The following KCNG3 variants were observed in gnomAD, a reference collection of about 807,000 sequenced individuals.
KCNG3 encodes voltage-gated potassium channel regulatory subunit KCNG3.
KCNG3 carries 15 observed loss-of-function variants against 29.0 expected under a neutral mutation model. The observed-to-expected ratio is 0.52, with a 90% CI of 0.35 to 0.80. KCNG3 has a LOEUF of 0.80. Ranked by LOEUF, KCNG3 falls within the 30% of genes least tolerant of loss-of-function variation. The pLI, the probability that KCNG3 is intolerant of heterozygous loss-of-function variation, is 0.01. For missense variants in KCNG3, 512 were observed against 605.7 expected (o/e 0.85, Z 1.62); for synonymous variants, 322 against 248.9 (o/e 1.29, Z -2.76).
the KCNG3 span, among the ~76,000 whole-genome samples, chr2:42,398,968 G>C: frequency 1.7e-4 from 26 of 151,808 alleles, no homozygotes; most frequent in Admixed American, 1.4e-3. Context: ...GCCTTGTAAG[G>C]CTCATCTTTT....
the KCNG3 span, among the ~76,000 whole-genome samples, chr2:42,421,063 C>A: frequency 6.6e-6 from 1 of 152,154 alleles, no homozygotes; most frequent in African/African-American, 2.4e-5. Flanking sequence ...GAGAGTAGAA[C>A]ACAAATCATG....
the KCNG3 span, among the ~76,000 whole-genome samples, chr2:42,421,095 T>A: frequency 1.3e-5 from 2 of 152,198 alleles, no homozygotes; most frequent in African/African-American, 4.8e-5. Flanking sequence ...TAAACTGATC[T>A]CATTTTTGAG....
chr2:42,436,609 C>T, the KCNG3 span, among the ~76,000 whole-genome samples: 1 of 152,224 alleles, frequency 6.6e-6, no homozygotes, highest in African/African-American at 2.4e-5. Context: ...ACATGCTTAA[C>T]ACTCACTTGT....
At chr2:42,479,782 G>A (rs757410489) in intron 1 of KCNG3, among the ~76,000 whole-genome samples, 26 of 152,180 alleles carry the variant, frequency 1.7e-4, no homozygotes, top group East Asian at 3.9e-4. Flanking sequence ...AGGCCAAGGC[G>A]GGCAAATCAC....
intron 1 of KCNG3, among the ~76,000 whole-genome samples, chr2:42,453,630 T>C (rs1672814599): frequency 6.6e-6 from 1 of 152,244 alleles, no homozygotes; most frequent in African/African-American, 2.4e-5. Context: ...ATAGGTAGTT[T>C]GCAAATATTT....
intron 1 of KCNG3, among the ~76,000 whole-genome samples, chr2:42,482,122 G>T (rs1449115077): frequency 6.6e-6 from 1 of 152,168 alleles, no homozygotes; most frequent in Non-Finnish European, 1.5e-5. Context: ...TTATTTAATA[G>T]AATAGGTGGT....
At chr2:42,423,436 C>G in the KCNG3 span, among the ~76,000 whole-genome samples, 1 of 152,190 alleles carries the variant, frequency 6.6e-6, no homozygotes, top group African/African-American at 2.4e-5. Context: ...TTTTCCTAAT[C>G]TGACCTCTGC....
chr2:42,446,686 C>T (rs1420051846), intron 1 of KCNG3, among the ~76,000 whole-genome samples: 1 of 152,050 alleles, frequency 6.6e-6, no homozygotes, highest in Non-Finnish European at 1.5e-5. Context: ...ACAAGTGGTA[C>T]TTGATGTTAC....
chr2:42,437,188 T>C (rs923574374), downstream of KCNG3, among the ~76,000 whole-genome samples: 3 of 152,112 alleles, frequency 2.0e-5, no homozygotes, highest in Non-Finnish European at 4.4e-5. Flanking sequence ...ACATAAAAAA[T>C]ATATATTTAA....
the KCNG3 span, among the ~76,000 whole-genome samples, chr2:42,429,145 AC>A: frequency 6.8e-6 from 1 of 147,704 alleles, no homozygotes; most frequent in South Asian, 2.3e-4. Flanking sequence ...AAACAAACAA[AC>A]AAAAAAAAAA....
chr2:42,471,184 G>GTATATA (rs111230198), intron 1 of KCNG3, among the ~76,000 whole-genome samples: 10 of 147,958 alleles, frequency 6.8e-5, no homozygotes, highest in African/African-American at 2.0e-4. Flanking sequence ...GTGTGTGTGT[G>GTATATA]TATATATATA....
At chr2:42,432,891 G>T in the KCNG3 span, among the ~76,000 whole-genome samples, 2 of 148,682 alleles carry the variant, frequency 1.3e-5, no homozygotes, top group Non-Finnish European at 3.0e-5. Context: ...CACGAAGTCT[G>T]TCCATTTCTT....
chr2:42,432,953 A>G, the KCNG3 span, among the ~76,000 whole-genome samples: 1 of 147,154 alleles, frequency 6.8e-6, no homozygotes, highest in Non-Finnish European at 1.5e-5. Context: ...AAAAAACAAA[A>G]AAACAAAAAA....
At chr2:42,430,186 G>C in the KCNG3 span, among the ~76,000 whole-genome samples, 2 of 151,772 alleles carry the variant, frequency 1.3e-5, no homozygotes, top group African/African-American at 4.8e-5. Context: ...GGGCAACACA[G>C]TGAGACCTCA....
chr2:42,417,199 C>T, the KCNG3 span, among the ~76,000 whole-genome samples: 1 of 152,166 alleles, frequency 6.6e-6, no homozygotes, highest in African/African-American at 2.4e-5. Flanking sequence ...GCTGAGGTTG[C>T]ACCACTGCTC....
At chr2:42,477,272 T>C (rs934334226) in intron 1 of KCNG3, among the ~76,000 whole-genome samples, 1 of 150,110 alleles carries the variant, frequency 6.7e-6, no homozygotes, top group Non-Finnish European at 1.5e-5. Flanking sequence ...CTAAATACAC[T>C]AGTTACTCTT....
intron 1 of KCNG3, among the ~76,000 whole-genome samples, chr2:42,451,604 A>C (rs1672756006): frequency 6.6e-6 from 1 of 152,088 alleles, no homozygotes; most frequent in Non-Finnish European, 1.5e-5. Context: ...GCACGCCTGT[A>C]ATCCCAGCTA....
intron 1 of KCNG3, among the ~76,000 whole-genome samples, chr2:42,447,907 T>C (rs986692851): frequency 1.3e-5 from 2 of 152,174 alleles, no homozygotes; most frequent in South Asian, 4.1e-4. Flanking sequence ...TTGGAATTAC[T>C]GGATCAGAGA....
At chr2:42,441,702 TTATA>T (rs755821004), downstream of KCNG3, among the ~76,000 whole-genome samples, 1 of 150,274 alleles carries the variant, frequency 6.7e-6, no homozygotes, top group African/African-American at 2.4e-5. Flanking sequence ...CACATGTACA[TTATA>T]TATATATATA....
Sources: gnomAD v4.1 joint callset for allele counts (sites outside exome capture counted in the v4.1 genomes callset) on GRCh38, gnomAD v4.1.1 for gene constraint, MANE v1.5 for transcripts, NCBI Gene and HGNC (gene_info 2026-07-23, HGNC 2026-07-21) for gene names.